METAP1D: variants seen among roughly 807,000 people sequenced by gnomAD.
The protein encoded by METAP1D is methionyl aminopeptidase type 1D, mitochondrial.
A neutral mutation model predicts 40.5 loss-of-function variants in METAP1D; 31 were observed. That is an observed-to-expected ratio of 0.77 (90% CI 0.58 to 1.03). METAP1D has a LOEUF of 1.03. Among genes scored for constraint, METAP1D ranks in the 50% least tolerant of loss-of-function variants. METAP1D has a pLI of 0.00. For missense variants in METAP1D, 411 were observed against 420.7 expected (o/e 0.98, Z 0.20); for synonymous variants, 151 against 146.4 (o/e 1.03, Z -0.22).
chr2:172,040,855 TCCTG>T (rs754969519), intron 1 of METAP1D, among the ~76,000 whole-genome samples: 2 of 151,054 alleles, frequency 1.3e-5, no homozygotes, highest in Non-Finnish European at 2.9e-5. Context: ...CAAGCAATTT[TCCTG>T]CCTCAGCCTC....
At chr2:172,031,520 A>T (rs1689241903) in intron 1 of METAP1D, among the ~76,000 whole-genome samples, 1 of 152,228 alleles carries the variant, frequency 6.6e-6, no homozygotes, top group African/African-American at 2.4e-5. Context: ...GATATTATAT[A>T]ATAAGATGGA....
At chr2:172,026,134 C>G (rs572806323) in intron 1 of METAP1D, among the ~76,000 whole-genome samples, 2 of 152,218 alleles carry the variant, frequency 1.3e-5, no homozygotes, top group South Asian at 4.2e-4. Flanking sequence ...GCTGATATGT[C>G]TCTAATCGTT....
chr2:172,005,206 T>C (rs1161102006), intron 1 of METAP1D, among the ~76,000 whole-genome samples: 1 of 152,110 alleles, frequency 6.6e-6, no homozygotes, highest in Non-Finnish European at 1.5e-5. Context: ...AGGTAGTTTT[T>C]CGTTACATGG....
At chr2:172,013,433 G>A (rs1688776649) in intron 1 of METAP1D, among the ~76,000 whole-genome samples, 1 of 152,210 alleles carries the variant, frequency 6.6e-6, no homozygotes, top group Non-Finnish European at 1.5e-5. Flanking sequence ...AGAGAAGGGA[G>A]AGGAAAGGTG....
intron 1 of METAP1D, among the ~76,000 whole-genome samples, chr2:172,045,819 G>GTATGTATATATA (rs1689746912): frequency 6.6e-5 from 1 of 15,192 alleles, no homozygotes; most frequent in African/African-American, 3.2e-4. Flanking sequence ...GTGTGTGTGT[G>GTATGTATATATA]TATATATATA....
At chr2:172,051,418 A>C (rs1161863465) in intron 1 of METAP1D, among the ~76,000 whole-genome samples, 1 of 152,214 alleles carries the variant, frequency 6.6e-6, no homozygotes, top group Non-Finnish European at 1.5e-5. Flanking sequence ...GGTGGTGTAC[A>C]TTAGTGAATA....
At chr2:172,068,674 C>A (rs1690348857) in intron 5 of METAP1D, among the ~76,000 whole-genome samples, 1 of 151,538 alleles carries the variant, frequency 6.6e-6, no homozygotes, top group Admixed American at 6.6e-5. Context: ...CCACCACACC[C>A]AGCTAATTTT....
rs1574151443 is a variant in METAP1D, at chr2:172,081,113, C to G, written c.*707C>G. On this transcript the variant is annotated 3_prime_UTR_variant, in exon 10 of 10. Coordinates refer to ENST00000315796, the MANE Select transcript of METAP1D (RefSeq NM_199227.3). ...CCTGGACCCCTGCGGCTCTTCCTCC[C>G]CCGCCCACATCCAGCCCTCCAAGGC... 2.6e-5 allele frequency: 4 copies of G among 153,658 alleles called. No individual in the cohort carries two copies. The allele number at this position is 153,658 out of a possible 1,614,324, so 9.5% of individuals were successfully genotyped here.
In METAP1D at chr2:172,065,702, A is replaced by G. The variant is rs753662462; in HGVS notation, c.447A>G (p.Lys149=). The G allele has an allele frequency of 6.2e-7, 1 of 1,614,004 alleles. No homozygotes were observed. The highest frequency in any genetic ancestry group is 8.5e-7 in the Non-Finnish European group (1 of 1,179,936). The change falls in exon 4 of 10, where the codon AAA becomes AAG. Residue 149 remains lysine (K), a synonymous_variant. Coordinates refer to ENST00000315796, the MANE Select transcript of METAP1D (RefSeq NM_199227.3). The stretch of plus-strand genomic sequence containing the variant: ...CTCTAGGCTATGGAGGTTTTCCAAA[A>G]TCTGTTTGTACCTCTGTAAACAACG... ...PSPLGYGGFP[K]SVCTSVNNVL... is the part of the protein sequence containing the mutation.
At chr2:172,078,316 G>A (rs1341433499) in intron 7 of METAP1D, among the ~76,000 whole-genome samples, 5 of 152,166 alleles carry the variant, frequency 3.3e-5, no homozygotes, top group South Asian at 2.1e-4. Flanking sequence ...CCTACACAGC[G>A]TTGACAGCTG....
intron 1 of METAP1D, among the ~76,000 whole-genome samples, chr2:172,030,177 C>T (rs1368029069): frequency 1.3e-5 from 2 of 150,820 alleles, no homozygotes; most frequent in Middle Eastern, 3.2e-3. Flanking sequence ...ACAACCTCCA[C>T]CTCCTGGGTT....
At position 172,000,146 on chromosome 2, in the gene METAP1D, C is replaced by G. The variant is rs1429068048; in HGVS notation, c.40+137C>G. 5 of 712,448 alleles carry G rather than the reference C, an allele frequency of 7.0e-6. No individual in the cohort carries two copies. The African/African-American group carries it at 9.2e-5, about 13-fold the overall frequency. 44.1% of individuals were successfully genotyped at this position (712,448 alleles called of 1,614,324 possible). A position where few individuals can be genotyped will look rare whatever the true frequency, so the allele number is the denominator to read the frequency against. The stretch of plus-strand genomic sequence containing the variant: ...TACTTTCAGTGTTTACGAACACACG[C>G]AGGCACACACGATGACACATTCACA... On this transcript the variant is annotated intron_variant, in intron 1 of 9. Coordinates refer to ENST00000315796, the MANE Select transcript of METAP1D (RefSeq NM_199227.3).
Position 171,999,982 on chromosome 2 carries a change from A to C in METAP1D, c.13A>C (p.Ser5Arg). The change falls in exon 1 of 10, where the codon AGT becomes CGT. Residue 5 changes from serine to arginine, a missense_variant. Transcript: ENST00000315796. ...GACCGACGCCAACATGGCGGCGCCCAGTGGCGTCCACCTGCTCGTCCGCAG... is the reference window on the plus strand; with the variant it reads ...GACCGACGCCAACATGGCGGCGCCCCGTGGCGTCCACCTGCTCGTCCGCAG... MAAP[S>R]GVHLLVRRGS... is the part of the protein sequence containing the mutation. The C allele has an allele frequency of 7.4e-7, 1 of 1,352,410 alleles. No individual in the cohort carries two copies. Among genetic ancestry groups the C allele is most frequent in the Non-Finnish European group, 9.6e-7 (1 of 1,045,472 alleles). 83.8% of individuals were successfully genotyped at this position (1,352,410 alleles called of 1,614,324 possible).
chr2:172,041,951 C>T lies in METAP1D; in HGVS notation c.41-19547C>T, dbSNP rs1204593716. ...CAGTAGCTGGGATTACAGGTGCCCA[C>T]CACTATGCCCAGCTAATTTTTGTAT... On this transcript the variant is annotated intron_variant, in intron 1 of 9. Transcript: ENST00000315796. 3.3e-5 allele frequency among the ~76,000 whole-genome samples: 4 copies of T among 120,648 alleles called. 2 individuals are homozygous for T. In the Admixed American group the frequency reaches 3.3e-4, roughly 10 times the overall value. The allele number at this position is 120,648 out of a possible 152,430, so 79.1% of individuals were successfully genotyped here.
intron 1 of METAP1D, among the ~76,000 whole-genome samples, chr2:172,038,231 T>C (rs893356878): frequency 2.0e-5 from 3 of 152,240 alleles, no homozygotes; most frequent in Non-Finnish European, 4.4e-5. Context: ...ACAGCTGTAT[T>C]GTTTCCTAGT....
intron 1 of METAP1D, among the ~76,000 whole-genome samples, chr2:172,030,333 C>A (rs1238301079): frequency 1.3e-5 from 2 of 152,052 alleles, no homozygotes; most frequent in Non-Finnish European, 2.9e-5. Flanking sequence ...CTCAGGTGAT[C>A]TGCCCACCTC....
intron 1 of METAP1D, among the ~76,000 whole-genome samples, chr2:172,002,128 CA>C (rs1193774125): frequency 6.7e-6 from 1 of 149,726 alleles, no homozygotes; most frequent in Non-Finnish European, 1.5e-5. Context: ...CACAAGAAAT[CA>C]TGGCTTTTAG....
intron 1 of METAP1D, among the ~76,000 whole-genome samples, chr2:172,026,589 C>T (rs1375065538): frequency 6.6e-6 from 1 of 152,150 alleles, no homozygotes; most frequent in Admixed American, 6.6e-5. Context: ...CACAGTGAGC[C>T]CATAGCGCCT....
At chr2:172,018,042 G>A (rs538543862) in intron 1 of METAP1D, among the ~76,000 whole-genome samples, 5 of 148,894 alleles carry the variant, frequency 3.4e-5, no homozygotes, top group South Asian at 2.1e-4. Flanking sequence ...CAGGAGAATC[G>A]CTTGAACCTG....
Sources: gnomAD v4.1 joint callset for allele counts (sites outside exome capture counted in the v4.1 genomes callset) on GRCh38, gnomAD v4.1.1 for gene constraint, MANE v1.5 for transcripts, NCBI Gene and HGNC (gene_info 2026-07-23, HGNC 2026-07-21) for gene names.